The following WDR7 variants were observed in gnomAD, a reference collection of about 807,000 sequenced individuals.
The protein encoded by WDR7 is WD repeat-containing protein 7.
A neutral mutation model predicts 169.4 loss-of-function variants in WDR7; 46 were observed. That is an observed-to-expected ratio of 0.27 (90% CI 0.21 to 0.35). The LOEUF (loss-of-function observed/expected upper bound fraction) is 0.35, where lower values mean the gene tolerates loss of function less well. WDR7 is among the 10% of genes least tolerant of loss of function. The pLI is 1.00. For missense variants in WDR7, 1,534 were observed against 1,859.3 expected (o/e 0.83, Z 3.22); for synonymous variants, 612 against 666.8 (o/e 0.92, Z 1.27).
At chr18:57,032,183 A>G (rs2048444457), downstream of WDR7, 1 of 152,216 alleles carries the variant, frequency 6.6e-6, no homozygotes, top group Non-Finnish European at 1.5e-5. Flanking sequence ...CCTCAAAAAG[A>G]AAGATCACCG....
chr18:57,024,102 A>G (rs1209338596), intron 27 of WDR7, among the ~76,000 whole-genome samples: 1 of 152,152 alleles, frequency 6.6e-6, no homozygotes, highest in African/African-American at 2.4e-5. Context: ...TTTAACAGTG[A>G]CTGTCTTTGG....
intron 26 of WDR7, among the ~76,000 whole-genome samples, chr18:56,968,553 T>C (rs1178339792): frequency 6.6e-6 from 1 of 152,198 alleles, no homozygotes; most frequent in African/African-American, 2.4e-5. Flanking sequence ...ATTACAGGCC[T>C]GACATAGGCC....
intron 2 of WDR7, among the ~76,000 whole-genome samples, chr18:56,678,434 T>C (rs1476209283): frequency 6.6e-6 from 1 of 152,098 alleles, no homozygotes; most frequent in Non-Finnish European, 1.5e-5. Context: ...TTTCCAGATA[T>C]GCGAAAGGAC....
intron 13 of WDR7, among the ~76,000 whole-genome samples, chr18:56,727,054 G>A (rs573777533): frequency 1.4e-4 from 21 of 152,230 alleles, no homozygotes; most frequent in Admixed American, 1.2e-3. Flanking sequence ...TAAGCTATCT[G>A]TCTTCAACTT....
At chr18:56,757,391 A>G in intron 15 of WDR7, 39 bp downstream of exon 15, 1 of 1,494,278 alleles carries the variant, frequency 6.7e-7, no homozygotes, top group Non-Finnish European at 8.9e-7. Flanking sequence ...TTAAGTTTCA[A>G]AAAAAGAAAC....
At chr18:56,987,065 G>A (rs1022046506) in intron 26 of WDR7, among the ~76,000 whole-genome samples, 9 of 152,068 alleles carry the variant, frequency 5.9e-5, no homozygotes, top group Non-Finnish European at 1.2e-4. Context: ...TGAATTCCCT[G>A]TGTCTGAGTT....
At chr18:56,962,370 G>A in intron 25 of WDR7, 60 bp from the exon 26 acceptor site, 1 of 1,412,130 alleles carries the variant, frequency 7.1e-7, no homozygotes, top group South Asian at 1.2e-5. Flanking sequence ...CCACTTCCAA[G>A]TGCAGGTCAT....
chr18:56,786,232 T>G (rs2044397090), intron 19 of WDR7, among the ~76,000 whole-genome samples: 1 of 152,080 alleles, frequency 6.6e-6, no homozygotes, highest in Admixed American at 6.6e-5. Context: ...CACAGATTGT[T>G]ATAAGAATAA....
At chr18:56,918,912 C>T (rs2046669740) in intron 21 of WDR7, among the ~76,000 whole-genome samples, 1 of 152,126 alleles carries the variant, frequency 6.6e-6, no homozygotes, top group Non-Finnish European at 1.5e-5. Flanking sequence ...TCTTGAATGT[C>T]ATTTGGCCCA....
chr18:56,710,858 A>C (rs1030878073), intron 12 of WDR7, among the ~76,000 whole-genome samples: 1 of 152,204 alleles, frequency 6.6e-6, no homozygotes, highest in Non-Finnish European at 1.5e-5. Flanking sequence ...AAGCAGTTGG[A>C]ACATGCCTAG....
At chr18:56,680,966 A>G (rs961830332) in intron 3 of WDR7, among the ~76,000 whole-genome samples, 2 of 152,088 alleles carry the variant, frequency 1.3e-5, no homozygotes, top group African/African-American at 4.8e-5. Flanking sequence ...TGAGGGAGCA[A>G]CCTCTGTGTG....
chr18:56,822,572 G>C (rs959182627), intron 20 of WDR7, among the ~76,000 whole-genome samples: 1 of 152,210 alleles, frequency 6.6e-6, no homozygotes, highest in Non-Finnish European at 1.5e-5. Flanking sequence ...CCCGGAGTCA[G>C]AGGCTGTATA....
At chr18:56,861,102 G>A (rs1279294650) in intron 20 of WDR7, among the ~76,000 whole-genome samples, 7 of 140,268 alleles carry the variant, frequency 5.0e-5, no homozygotes, top group South Asian at 5.0e-4. Context: ...CATCAATTAC[G>A]TGAAACAGCG....
At chr18:56,738,495 C>A (rs1338537685) in intron 14 of WDR7, among the ~76,000 whole-genome samples, 1 of 152,094 alleles carries the variant, frequency 6.6e-6, no homozygotes, top group African/African-American at 2.4e-5. Flanking sequence ...GAGGTTGAGG[C>A]TGCATTGAGC....
At chr18:56,817,528 G>T (rs1230741339) in intron 20 of WDR7, among the ~76,000 whole-genome samples, 2 of 151,990 alleles carry the variant, frequency 1.3e-5, no homozygotes, top group Non-Finnish European at 2.9e-5. Flanking sequence ...GCCTAATATT[G>T]CCAGAGTTGG....
chr18:56,923,816 C>A, intron 21 of WDR7, 106 bp from the exon 22 acceptor site: 1 of 1,122,048 alleles, frequency 8.9e-7, no homozygotes, highest in Non-Finnish European at 1.2e-6. Flanking sequence ...ATACCTTTTT[C>A]AGTTAAAAAA....
rs918562399 is a variant in WDR7 at position 57,029,206 on chromosome 18, G to A, written c.*1999G>A. On this transcript the variant is annotated 3_prime_UTR_variant, in exon 28 of 28. Transcript: ENST00000254442. The stretch of plus-strand genomic sequence containing the variant: ...GGCAGCCTGCCGCAAACACACGGAT[G>A]GCTCCCCCCGCCACGAAGGTTGAGA... 2.6e-5 allele frequency: 4 copies of A among 152,126 alleles called. No individual in the cohort carries two copies. Among genetic ancestry groups the A allele is most frequent in the Non-Finnish European group, 5.9e-5 (4 of 68,032 alleles). 9.4% of individuals were successfully genotyped at this position (152,126 alleles called of 1,614,324 possible).
At chr18:56,959,612 T>C (rs1319220860) in intron 25 of WDR7, among the ~76,000 whole-genome samples, 1 of 152,126 alleles carries the variant, frequency 6.6e-6, no homozygotes, top group Non-Finnish European at 1.5e-5. Context: ...CAAGACACCA[T>C]TTCCAGAAGG....
At chr18:56,761,985 A>G (rs887293154) in intron 16 of WDR7, among the ~76,000 whole-genome samples, 2 of 151,930 alleles carry the variant, frequency 1.3e-5, no homozygotes, top group Admixed American at 6.5e-5. Flanking sequence ...GATATTTCCT[A>G]TATGCTTTTG....
Sources: gnomAD v4.1 joint callset for allele counts (sites outside exome capture counted in the v4.1 genomes callset) on GRCh38, gnomAD v4.1.1 for gene constraint, MANE v1.5 for transcripts, NCBI Gene and HGNC (gene_info 2026-07-23, HGNC 2026-07-21) for gene names.